Variants in ROBO2 observed in about 807,000 individuals in gnomAD.
ROBO2 encodes the protein roundabout homolog 2.
Under a neutral mutation model 160.8 loss-of-function variants are expected in ROBO2, and 53 were observed. The ratio of observed to expected loss-of-function variants is 0.33; its 90% CI spans 0.26 to 0.41. The LOEUF is 0.41. ROBO2 is among the 10% of genes least tolerant of loss of function. The pLI is 1.00. For synonymous variants in ROBO2, 664 were observed against 611.7 expected, an observed-to-expected ratio of 1.09 and a Z score of -1.26; for missense variants, 1,577 against 1,722.4, an observed-to-expected ratio of 0.92 and a Z score of 1.49.
intron 2 of ROBO2, among the ~76,000 whole-genome samples, chr3:76,421,013 G>A (rs907541771): frequency 6.6e-6 from 1 of 152,146 alleles, no homozygotes; most frequent in African/African-American, 2.4e-5. Flanking sequence ...ATATTTAATA[G>A]GACTTATCAG....
intron 2 of ROBO2, among the ~76,000 whole-genome samples, chr3:76,141,315 G>A (rs903567027): frequency 2.8e-4 from 42 of 149,430 alleles, no homozygotes; most frequent in African/African-American, 1.0e-3. Context: ...AATACTGACA[G>A]CCAAAGTTAG....
chr3:77,395,030 A>G (rs2075130013), intron 2 of ROBO2, among the ~76,000 whole-genome samples: 1 of 152,186 alleles, frequency 6.6e-6, no homozygotes, highest in Non-Finnish European at 1.5e-5. Flanking sequence ...TATGAAGGAA[A>G]TGATTCCTTA....
intron 2 of ROBO2, among the ~76,000 whole-genome samples, chr3:76,927,275 C>G (rs1339855698): frequency 1.3e-5 from 2 of 152,084 alleles, no homozygotes; most frequent in East Asian, 3.9e-4. Context: ...TTACCACCCC[C>G]ACCACCAGAA....
intron 2 of ROBO2, among the ~76,000 whole-genome samples, chr3:76,288,091 G>T (rs1048272271): frequency 2.0e-5 from 3 of 152,060 alleles, no homozygotes; most frequent in African/African-American, 4.8e-5. Flanking sequence ...CTTAAAATTT[G>T]ATTTGCTAAT....
At chr3:77,243,218 C>T (rs989533406) in intron 2 of ROBO2, among the ~76,000 whole-genome samples, 10 of 151,794 alleles carry the variant, frequency 6.6e-5, no homozygotes, top group African/African-American at 1.9e-4. Context: ...TTGTACCTGA[C>T]CATATTGCAA....
chr3:76,835,099 A>G (rs184331850), intron 2 of ROBO2, among the ~76,000 whole-genome samples: 75 of 152,152 alleles, frequency 4.9e-4, no homozygotes, highest in Middle Eastern at 3.4e-3. Flanking sequence ...CAACAAGCAT[A>G]TTACTAAGTT....
chr3:77,075,685 T>C (rs1331889882), intron 1 of ROBO2, among the ~76,000 whole-genome samples: 2 of 133,330 alleles, frequency 1.5e-5, no homozygotes, highest in Non-Finnish European at 3.1e-5. Flanking sequence ...TTTTTTTTTT[T>C]TTTTTTTTTT....
At chr3:77,481,588 AAGTT>A (rs1160075375) in intron 4 of ROBO2, among the ~76,000 whole-genome samples, 1 of 152,140 alleles carries the variant, frequency 6.6e-6, no homozygotes, top group Non-Finnish European at 1.5e-5. Context: ...GGATTTTTAA[AAGTT>A]AGAGAGTATA....
chr3:76,313,138 A>G (rs2071716558), intron 2 of ROBO2, among the ~76,000 whole-genome samples: 1 of 152,230 alleles, frequency 6.6e-6, no homozygotes, highest in Non-Finnish European at 1.5e-5. Context: ...TGTATTTTTT[A>G]AAGGTCAGTC....
At chr3:76,022,566 A>C (rs534854798) in intron 2 of ROBO2, among the ~76,000 whole-genome samples, 4 of 151,624 alleles carry the variant, frequency 2.6e-5, no homozygotes, top group Non-Finnish European at 4.4e-5. Flanking sequence ...CTCCATCAGA[A>C]CTCTTGGGTG....
intron 2 of ROBO2, among the ~76,000 whole-genome samples, chr3:77,179,940 T>C (rs2080547512): frequency 6.6e-6 from 1 of 152,090 alleles, no homozygotes; most frequent in African/African-American, 2.4e-5. Context: ...CAGCAGCAGT[T>C]GAGTTAGTGG....
chr3:76,798,276 G>GAAAGAAAGAA (rs1560580774), intron 2 of ROBO2, among the ~76,000 whole-genome samples: 1 of 137,532 alleles, frequency 7.3e-6, no homozygotes, highest in Non-Finnish European at 1.6e-5. Flanking sequence ...AAGAAAGAAA[G>GAAAGAAAGAA]AAAGAAAGAA....
chr3:76,946,783 C>T (rs763557504), intron 2 of ROBO2, among the ~76,000 whole-genome samples: 1 of 152,182 alleles, frequency 6.6e-6, no homozygotes, highest in Non-Finnish European at 1.5e-5. Context: ...CCCCAAACTC[C>T]CAGTTCAATT....
chr3:75,991,171 G>A (rs1012978168), intron 2 of ROBO2, among the ~76,000 whole-genome samples: 2 of 152,140 alleles, frequency 1.3e-5, no homozygotes, highest in African/African-American at 4.8e-5. Flanking sequence ...ATGTGTGTAT[G>A]TATGTATGTA....
At chr3:76,613,335 C>G (rs1266761838) in intron 2 of ROBO2, among the ~76,000 whole-genome samples, 1 of 152,068 alleles carries the variant, frequency 6.6e-6, no homozygotes, top group Non-Finnish European at 1.5e-5. Context: ...GTCTGAATCT[C>G]TCTGTCTCTC....
intron 1 of ROBO2, among the ~76,000 whole-genome samples, chr3:75,934,054 G>A (rs983691351): frequency 1.3e-5 from 2 of 152,154 alleles, no homozygotes; most frequent in Admixed American, 6.5e-5. Flanking sequence ...TTAAACTAAT[G>A]TAGCTATTGG....
intron 2 of ROBO2, among the ~76,000 whole-genome samples, chr3:76,180,367 A>G (rs1048048455): frequency 2.0e-5 from 3 of 152,164 alleles, no homozygotes; most frequent in African/African-American, 7.2e-5. Flanking sequence ...GCAGGCACGT[A>G]TCCAACTGCT....
rs148605599 is a variant in ROBO2, at chr3:77,419,938, CT to C, written c.389-57475del. Reference sequence around the variant, plus strand: ...GGAATAGGTAAAAGTGAAGATTACTCTGCTCAACACCATGCCTTCTGAATCG... The same window carrying C: ...GGAATAGGTAAAAGTGAAGATTACTCGCTCAACACCATGCCTTCTGAATCG... On this transcript the variant is annotated intron_variant, in intron 2 of 25. Transcript: ENST00000461745. Among the ~76,000 whole-genome samples, 353 of 152,176 alleles carry C rather than the reference CT, an allele frequency of 2.3e-3. 1 individual carries two copies. The highest frequency in any genetic ancestry group is 7.8e-3 in the African/African-American group (323 of 41,510).
At chr3:77,416,997 A>G (rs1367316019) in intron 2 of ROBO2, among the ~76,000 whole-genome samples, 2 of 152,140 alleles carry the variant, frequency 1.3e-5, no homozygotes, top group Non-Finnish European at 2.9e-5. Context: ...CATGTTGAAT[A>G]TTAGGTAATT....
Sources: allele counts gnomAD v4.1 joint callset (sites outside exome capture counted in the v4.1 genomes callset), GRCh38; gene constraint gnomAD v4.1.1; transcripts MANE v1.5; gene names NCBI Gene and HGNC (gene_info 2026-07-23, HGNC 2026-07-21).